KCNJ3: variants seen among roughly 807,000 people sequenced by gnomAD.
KCNJ3 encodes G protein-activated inward rectifier potassium channel 1.
KCNJ3 carries 4 observed loss-of-function variants against 39.2 expected under a neutral mutation model. The observed-to-expected ratio is 0.10, with a 90% CI of 0.05 to 0.23. KCNJ3 has a LOEUF of 0.23. KCNJ3 is among the 10% of genes least tolerant of loss of function. KCNJ3 has a pLI of 1.00. For synonymous variants in KCNJ3, 230 were observed against 237.4 expected, an observed-to-expected ratio of 0.97 and a Z score of 0.29; for missense variants, 276 against 634.9, an observed-to-expected ratio of 0.43 and a Z score of 6.08.
At chr2:154,722,664 A>G (rs990553791) in intron 2 of KCNJ3, among the ~76,000 whole-genome samples, 30 of 152,150 alleles carry the variant, frequency 2.0e-4, no homozygotes, top group Non-Finnish European at 1.5e-5. Flanking sequence ...GATGGTTTTT[A>G]AGCAGGAAAA....
At chr2:154,767,830 A>G (rs1020990707) in intron 2 of KCNJ3, among the ~76,000 whole-genome samples, 5 of 152,178 alleles carry the variant, frequency 3.3e-5, no homozygotes, top group African/African-American at 1.2e-4. Flanking sequence ...CTATTTCTCC[A>G]CATCCTCTCT....
intron 2 of KCNJ3, among the ~76,000 whole-genome samples, chr2:154,827,281 C>A (rs1687286695): frequency 6.6e-6 from 1 of 152,068 alleles, no homozygotes; most frequent in African/African-American, 2.4e-5. Context: ...TAGCTTTTTA[C>A]TTTCTTGGCT....
intron 2 of KCNJ3, among the ~76,000 whole-genome samples, chr2:154,753,987 A>T (rs1685894325): frequency 6.6e-6 from 1 of 152,168 alleles, no homozygotes; most frequent in African/African-American, 2.4e-5. Flanking sequence ...CATTGACTCC[A>T]TAATTTTTTA....
chr2:154,748,677 T>C (rs866517631), intron 2 of KCNJ3, among the ~76,000 whole-genome samples: 1 of 152,254 alleles, frequency 6.6e-6, no homozygotes. Context: ...ATGCTTTTCT[T>C]CATTGAGTTG....
chr2:154,831,914 T>G (rs1687370193), intron 2 of KCNJ3, among the ~76,000 whole-genome samples: 1 of 152,070 alleles, frequency 6.6e-6, no homozygotes, highest in Admixed American at 6.5e-5. Flanking sequence ...CAAGAAGCAT[T>G]TGCTTCTGGT....
chr2:154,799,699 G>C (rs1360180371), intron 2 of KCNJ3, among the ~76,000 whole-genome samples: 1 of 152,080 alleles, frequency 6.6e-6, no homozygotes, highest in African/African-American at 2.4e-5. Flanking sequence ...GTAAGTGCTT[G>C]AGGCCTGCTG....
intron 2 of KCNJ3, among the ~76,000 whole-genome samples, chr2:154,717,044 G>A (rs1685193422): frequency 6.6e-6 from 1 of 152,184 alleles, no homozygotes; most frequent in African/African-American, 2.4e-5. Context: ...GGACCTAGAG[G>A]AGTGGTCCCT....
chr2:154,841,216 G>C (rs1372208526), intron 2 of KCNJ3, among the ~76,000 whole-genome samples: 1 of 152,128 alleles, frequency 6.6e-6, no homozygotes, highest in African/African-American at 2.4e-5. Context: ...CATTGGTTCT[G>C]TTTATGTGAT....
At chr2:154,786,589 G>A (rs1465578443) in intron 2 of KCNJ3, among the ~76,000 whole-genome samples, 1 of 152,022 alleles carries the variant, frequency 6.6e-6, no homozygotes, top group Non-Finnish European at 1.5e-5. Context: ...CTTCTATATT[G>A]TACCAGTGAG....
intron 2 of KCNJ3, among the ~76,000 whole-genome samples, chr2:154,782,298 G>A (rs763355044): frequency 2.0e-5 from 3 of 152,130 alleles, no homozygotes; most frequent in Admixed American, 6.5e-5. Flanking sequence ...ATAAAATGGG[G>A]ATAATAATAA....
intron 2 of KCNJ3, among the ~76,000 whole-genome samples, chr2:154,838,285 A>G (rs554248105): frequency 3.9e-5 from 6 of 152,290 alleles, no homozygotes; most frequent in African/African-American, 1.4e-4. Flanking sequence ...GTTTCTAGCT[A>G]ATGGAAAAGT....
chr2:154,789,995 A>T (rs1432454399), intron 2 of KCNJ3, among the ~76,000 whole-genome samples: 1 of 152,124 alleles, frequency 6.6e-6, no homozygotes, highest in Non-Finnish European at 1.5e-5. Flanking sequence ...ATCAAGTTCC[A>T]TCAAGTCTTA....
At chr2:154,783,332 A>C (rs1686473054) in intron 2 of KCNJ3, among the ~76,000 whole-genome samples, 1 of 152,200 alleles carries the variant, frequency 6.6e-6, no homozygotes, top group South Asian at 2.1e-4. Context: ...AGGTTTTTAA[A>C]AATGAGTTTT....
chr2:154,837,945 T>G (rs1365290849), intron 2 of KCNJ3, among the ~76,000 whole-genome samples: 1 of 152,206 alleles, frequency 6.6e-6, no homozygotes, highest in Non-Finnish European at 1.5e-5. Context: ...CACCTTGTAA[T>G]TTAGCATCTG....
At chr2:154,807,039 T>G (rs1686924764) in intron 2 of KCNJ3, among the ~76,000 whole-genome samples, 1 of 152,122 alleles carries the variant, frequency 6.6e-6, no homozygotes, top group Non-Finnish European at 1.5e-5. Context: ...CATTGATAAT[T>G]TCACCTAAAA....
At chr2:154,704,524 G>A (rs924818283) in intron 1 of KCNJ3, among the ~76,000 whole-genome samples, 1 of 152,082 alleles carries the variant, frequency 6.6e-6, no homozygotes, top group Non-Finnish European at 1.5e-5. Flanking sequence ...ATATTTTTGT[G>A]GGTTAATTGG....
chr2:154,850,138 T>C (rs538013667), intron 2 of KCNJ3, among the ~76,000 whole-genome samples: 1 of 150,572 alleles, frequency 6.6e-6, no homozygotes, highest in South Asian at 2.1e-4. Context: ...TGAGCTCGTG[T>C]TGATTTTCAC....
rs970884821 is a variant in KCNJ3, at chr2:154,857,324, A to AATT, written c.*2012_*2014dup. On this transcript the variant is annotated 3_prime_UTR_variant, in exon 3 of 3. Coordinates refer to ENST00000295101, the MANE Select transcript of KCNJ3 (RefSeq NM_002239.4). ...AGAACTTAAAACTAAATAGAGCCAT[A>AATT]ATTTACTTTGGAGAGTCATTTTAAT... The AATT allele has an allele frequency of 2.6e-5, 4 of 152,168 alleles. No homozygotes were observed. Among genetic ancestry groups the AATT allele is most frequent in the Non-Finnish European group, 5.9e-5 (4 of 68,034 alleles). 9.4% of individuals were successfully genotyped at this position (152,168 alleles called of 1,614,324 possible).
Position 154,809,786 on chromosome 2 carries a change from T to A in KCNJ3, c.920-44941T>A, listed in dbSNP as rs762031240. On this transcript the variant is annotated intron_variant, in intron 2 of 2. Coordinates refer to ENST00000295101, the MANE Select transcript of KCNJ3 (RefSeq NM_002239.4). ...TAATACTCAAAAAGCAAACATTGCA[T>A]AGCTAGTTTATGCAAGTTTTTATAC... Among the ~76,000 whole-genome samples, 216 of 152,274 alleles carry A rather than the reference T, an allele frequency of 1.4e-3. 1 individual carries two copies. The highest frequency in any genetic ancestry group is 2.6e-3 in the Admixed American group (40 of 15,286).
Sources: gnomAD v4.1 joint callset for allele counts (sites outside exome capture counted in the v4.1 genomes callset) on GRCh38, gnomAD v4.1.1 for gene constraint, MANE v1.5 for transcripts, NCBI Gene and HGNC (gene_info 2026-07-23, HGNC 2026-07-21) for gene names.